Variants in GMPS observed in about 807,000 individuals in gnomAD.
GMPS encodes GMP synthase [glutamine-hydrolyzing].
In GMPS, 15 loss-of-function variants were observed where a neutral mutation model predicts 77.9. The ratio of observed to expected loss-of-function variants is 0.19; its 90% CI spans 0.13 to 0.30. GMPS has a LOEUF of 0.30. Among genes scored for constraint, GMPS ranks in the 10% least tolerant of loss-of-function variants. GMPS has a pLI of 1.00. For synonymous variants in GMPS, 224 were observed against 275.9 expected (o/e 0.81, Z 1.86); for missense variants, 590 against 838.8 (o/e 0.70, Z 3.66).
chr3:155,894,553 T>TA (rs1754555554), intron 2 of GMPS, among the ~76,000 whole-genome samples: 2 of 152,120 alleles, frequency 1.3e-5, no homozygotes, highest in Non-Finnish European at 2.9e-5. Flanking sequence ...CTTTTTTTTT[T>TA]ATTGTTGTTT....
intron 12 of GMPS, among the ~76,000 whole-genome samples, chr3:155,927,328 T>C (rs1008163883): frequency 1.3e-5 from 2 of 152,182 alleles, no homozygotes; most frequent in African/African-American, 4.8e-5. Flanking sequence ...TTCTTAAAAG[T>C]TTCTGAGTTT....
chr3:155,918,824 CTT>C (rs1386416956), intron 9 of GMPS, among the ~76,000 whole-genome samples: 4 of 152,084 alleles, frequency 2.6e-5, no homozygotes, highest in Non-Finnish European at 5.9e-5. Flanking sequence ...GGTTACAAGT[CTT>C]TTATCAGATA....
chr3:155,925,398 T>A (rs75611544), intron 12 of GMPS, 32 bp downstream of exon 12: 3 of 1,513,430 alleles, frequency 2.0e-6, no homozygotes, highest in African/African-American at 1.4e-5. Flanking sequence ...ACCAGTGATA[T>A]ACTTTTTTTT....
chr3:155,905,705 A>G (rs903394744), intron 4 of GMPS, among the ~76,000 whole-genome samples: 2 of 152,222 alleles, frequency 1.3e-5, no homozygotes, highest in African/African-American at 4.8e-5. Context: ...TTTAACCTAC[A>G]GTATGCCTGT....
chr3:155,919,636 G>T (rs914005600), intron 10 of GMPS, among the ~76,000 whole-genome samples: 1 of 152,074 alleles, frequency 6.6e-6, no homozygotes, highest in African/African-American at 2.4e-5. Context: ...TAATAATATT[G>T]CCACACAGTC....
At position 155,911,273 on chromosome 3, in the gene GMPS, G is replaced by A. The variant is rs995870356; in HGVS notation, c.880G>A (p.Val294Ile). Reference protein sequence around the residue: ...EEALKKLGIQVKVINAAHSFY... With the variant: ...EEALKKLGIQIKVINAAHSFY... ...GGCCCTCAAAAAGCTTGGAATTCAG[G>A]TCAAAGGTATTGAAGAACCTCAGAA... The change falls in exon 7 of 16, where the codon GTC becomes ATC. Residue 294 changes from valine to isoleucine, a missense_variant. Transcript: ENST00000496455. The A allele has an allele frequency of 6.3e-6, 10 of 1,599,050 alleles. No individual in the cohort carries two copies. Among genetic ancestry groups the A allele is most frequent in the African/African-American group, 1.3e-5 (1 of 74,094 alleles).
At chr3:155,898,326 G>C (rs374656948) in intron 3 of GMPS, among the ~76,000 whole-genome samples, 2 of 152,224 alleles carry the variant, frequency 1.3e-5, no homozygotes, top group African/African-American at 4.8e-5. Flanking sequence ...ATAGTACATA[G>C]AGCTCCTGTA....
At position 155,883,322 on chromosome 3, in the gene GMPS, G is replaced by A. The variant is rs577431035; in HGVS notation, c.28-10196G>A. 1.4e-4 allele frequency among the ~76,000 whole-genome samples: 22 copies of A among 152,090 alleles called. No homozygotes were observed. The East Asian group carries it at 2.5e-3, about 17-fold the overall frequency. ...ACTCCTGAGCTCAAGTGATCCACTC[G>A]CCTCAGTCTTCCAAAGTGCTAGGAT... On this transcript the variant is annotated intron_variant, in intron 1 of 15. Transcript: ENST00000496455.
intron 12 of GMPS, among the ~76,000 whole-genome samples, chr3:155,926,897 C>T (rs1755472104): frequency 3.3e-5 from 5 of 152,002 alleles, no homozygotes; most frequent in Non-Finnish European, 7.4e-5. Flanking sequence ...GCCTGTAATC[C>T]CAGCTAGTCG....
intron 3 of GMPS, among the ~76,000 whole-genome samples, chr3:155,900,346 G>A (rs1423964369): frequency 6.7e-6 from 1 of 149,718 alleles, no homozygotes; most frequent in Non-Finnish European, 1.5e-5. Flanking sequence ...CCCTGATTGA[G>A]TTGAATATTG....
At chr3:155,900,366 T>G (rs1016002570) in intron 3 of GMPS, among the ~76,000 whole-genome samples, 3 of 151,116 alleles carry the variant, frequency 2.0e-5, no homozygotes, top group Non-Finnish European at 4.4e-5. Flanking sequence ...GGATATTGGC[T>G]GGCTTCTTTT....
intron 5 of GMPS, 93 bp from the exon 6 acceptor site, chr3:155,910,599 T>C: frequency 2.1e-6 from 1 of 481,420 alleles, no homozygotes. Context: ...AATGAAACCA[T>C]AGAGGCAGAG....
rs146842770 is a variant in GMPS at position 155,874,062 on chromosome 3, A to G, written c.27+3165A>G. On this transcript the variant is annotated intron_variant, in intron 1 of 15. Coordinates refer to ENST00000496455, the MANE Select transcript of GMPS (RefSeq NM_003875.3). ...CCTACCCTTTCCCCCTGAGTCTCCA[A>G]AGTCCATTGTGTCATTCTTATGCCT... Among the ~76,000 whole-genome samples, 764 of 152,270 alleles carry G rather than the reference A, an allele frequency of 5.0e-3. 8 individuals carry two copies. Among genetic ancestry groups the G allele is most frequent in the African/African-American group, 0.018 (735 of 41,536 alleles).
chr3:155,925,429 G>T, intron 12 of GMPS, 63 bp downstream of exon 12: 1 of 1,319,840 alleles, frequency 7.6e-7, no homozygotes, highest in Non-Finnish European at 1.0e-6. Context: ...TCTTGAGACG[G>T]AGTCTCACTG....
chr3:155,936,225 C>A, intron 14 of GMPS, 113 bp from the exon 15 acceptor site: 3 of 682,570 alleles, frequency 4.4e-6, no homozygotes, highest in Non-Finnish European at 7.9e-6. Flanking sequence ...ACAGTCTTAA[C>A]TACGCTGTGT....
intron 5 of GMPS, among the ~76,000 whole-genome samples, chr3:155,907,504 A>G (rs2108096864): frequency 6.6e-6 from 1 of 152,132 alleles, no homozygotes; most frequent in South Asian, 2.1e-4. Flanking sequence ...TGGGAGAATC[A>G]TTTGGCCCTA....
chr3:155,941,788 A>C lies in GMPS; in HGVS notation c.*4096A>C. 1 of 218,374 alleles carries C rather than the reference A, an allele frequency of 4.6e-6. No individual in the cohort carries two copies. The highest frequency in any genetic ancestry group is 9.2e-6 in the Non-Finnish European group (1 of 108,798). 13.5% of individuals were successfully genotyped at this position (218,374 alleles called of 1,614,324 possible). A position where few individuals can be genotyped will look rare whatever the true frequency, so the allele number is the denominator to read the frequency against. Reference sequence around the variant, plus strand: ...CAGGGTATCTTTCTGGTATCTTTTTAATCACTGAAGGACTTTGACAGCAGT... The same window carrying C: ...CAGGGTATCTTTCTGGTATCTTTTTCATCACTGAAGGACTTTGACAGCAGT... On this transcript the variant is annotated 3_prime_UTR_variant, in exon 16 of 16. Transcript: ENST00000496455.
At chr3:155,905,766 A>G (rs1312597728) in intron 4 of GMPS, among the ~76,000 whole-genome samples, 1 of 152,210 alleles carries the variant, frequency 6.6e-6, no homozygotes, top group African/African-American at 2.4e-5. Context: ...ACTAAGTCCT[A>G]TTACTACTTA....
At chr3:155,908,099 T>TA (rs764714494) in intron 5 of GMPS, among the ~76,000 whole-genome samples, 1 of 152,238 alleles carries the variant, frequency 6.6e-6, no homozygotes, top group Non-Finnish European at 1.5e-5. Flanking sequence ...GGAGAAAAGA[T>TA]ACAGGGTGAA....
Sources: allele counts gnomAD v4.1 joint callset (sites outside exome capture counted in the v4.1 genomes callset), GRCh38; gene constraint gnomAD v4.1.1; transcripts MANE v1.5; gene names NCBI Gene and HGNC (gene_info 2026-07-23, HGNC 2026-07-21).